The following UNC5A variants were observed in gnomAD, a reference collection of about 807,000 sequenced individuals.
UNC5A encodes unc-5 netrin receptor A.
A neutral mutation model predicts 87.4 loss-of-function variants in UNC5A; 20 were observed. The ratio of observed to expected loss-of-function variants is 0.23; its 90% CI spans 0.16 to 0.33. The LOEUF (loss-of-function observed/expected upper bound fraction) is 0.33, where lower values mean the gene tolerates loss of function less well. Ranked by LOEUF, UNC5A falls within the 10% of genes least tolerant of loss-of-function variation. The pLI, the probability that UNC5A is intolerant of heterozygous loss-of-function variation, is 1.00. For synonymous variants in UNC5A, 438 were observed against 482.3 expected (o/e 0.91, Z 1.20); for missense variants, 844 against 1,133.4 (o/e 0.74, Z 3.67).
intron 1 of UNC5A, among the ~76,000 whole-genome samples, chr5:176,818,323 C>CT (rs1756644086): frequency 6.6e-6 from 1 of 152,234 alleles, no homozygotes; most frequent in African/African-American, 2.4e-5. Flanking sequence ...ACCGACTTGC[C>CT]CCAGGTCCCG....
In UNC5A at chr5:176,824,969, G is replaced by A. The variant is rs1756818065; in HGVS notation, c.70+14149G>A. The stretch of plus-strand genomic sequence containing the variant: ...ACCCTGTGCACAGTGCTTGGTGGGT[G>A]TCAGGTACTGAGGCCATGGGCAGGG... On this transcript the variant is annotated intron_variant, in intron 1 of 14. Transcript: ENST00000329542. This position sits in a 1 kb window ranked among gnomAD's most constrained non-coding sequence, Gnocchi z 4.2. 6.6e-6 allele frequency among the ~76,000 whole-genome samples: 1 copy of A among 152,218 alleles called. No individual in the cohort carries two copies. The highest frequency in any genetic ancestry group is 1.5e-5 in the Non-Finnish European group (1 of 68,036).
chr5:176,817,051 C>A (rs947922949), intron 1 of UNC5A, among the ~76,000 whole-genome samples: 1 of 152,210 alleles, frequency 6.6e-6, no homozygotes, highest in Non-Finnish European at 1.5e-5. Context: ...GGCAGCTGCT[C>A]AGCCCCAGAG....
Position 176,878,586 on chromosome 5 carries a change from T to G in UNC5A, c.2131T>G (p.Trp711Gly), listed in dbSNP as rs1201024141. ...TGACCTGGCCTGCAAGCTGTGGGTG[T>G]GGCAGGTGGAGGGCGACGGGCAGAG... The part of the protein sequence containing the change: ...TSDLACKLWV[W>G]QVEGDGQSFS... The change falls in exon 13 of 15, where the codon TGG (tryptophan) becomes GGG (glycine). Residue 711 changes from tryptophan to glycine, a missense_variant. By Grantham distance (184) the Trp-to-Gly change is radical. Transcript: ENST00000329542. 1 of 1,612,882 alleles carries G rather than the reference T, an allele frequency of 6.2e-7. No individual in the cohort carries two copies. The highest frequency in any genetic ancestry group is 2.2e-5 in the East Asian group (1 of 44,884).
At chr5:176,822,877 G>A (rs923872830) in intron 1 of UNC5A, among the ~76,000 whole-genome samples, 2 of 152,162 alleles carry the variant, frequency 1.3e-5, no homozygotes, top group African/African-American at 4.8e-5. Context: ...AGCCCCGCTG[G>A]AGCAGACGGT....
intron 1 of UNC5A, among the ~76,000 whole-genome samples, chr5:176,821,780 C>T (rs1010114380): frequency 7.9e-5 from 12 of 152,204 alleles, no homozygotes; most frequent in African/African-American, 1.9e-4. Context: ...CTGAAGTGAC[C>T]GCAGGCAGGG....
intron 1 of UNC5A, among the ~76,000 whole-genome samples, chr5:176,818,078 G>A (rs1317062452): frequency 6.6e-6 from 1 of 152,168 alleles, no homozygotes; most frequent in Non-Finnish European, 1.5e-5. Flanking sequence ...CCTCCGCCCC[G>A]CCTCCGTGCT....
At chr5:176,822,225 C>G (rs758870137) in intron 1 of UNC5A, among the ~76,000 whole-genome samples, 1 of 152,222 alleles carries the variant, frequency 6.6e-6, no homozygotes, top group Non-Finnish European at 1.5e-5. Context: ...GTGTGGCCCG[C>G]GGGGCGGGGG....
At chr5:176,832,036 A>T (rs1757043930) in intron 1 of UNC5A, among the ~76,000 whole-genome samples, 2 of 151,714 alleles carry the variant, frequency 1.3e-5, no homozygotes, top group South Asian at 4.2e-4. Flanking sequence ...AGCTGGGACT[A>T]CAGGTGCCTG....
intron 1 of UNC5A, among the ~76,000 whole-genome samples, chr5:176,862,305 T>C (rs1757860266): frequency 6.6e-6 from 1 of 152,208 alleles, no homozygotes; most frequent in Admixed American, 6.5e-5. Context: ...GGCAGGGGCC[T>C]GCCTGGCCAG....
intron 1 of UNC5A, among the ~76,000 whole-genome samples, chr5:176,819,567 G>A (rs534585535): frequency 2.0e-5 from 3 of 152,178 alleles, no homozygotes; most frequent in South Asian, 2.1e-4. Context: ...AGGAGCTTCC[G>A]GGACTACATC....
chr5:176,870,216 G>A lies in UNC5A; in HGVS notation c.722-154G>A, dbSNP rs569018333. ...CATCAAGGCCAGCTGGACACTAGAGGGCGTGCATCGTGGGCCTGGCCCTGG... is the reference window on the plus strand; with the variant it reads ...CATCAAGGCCAGCTGGACACTAGAGAGCGTGCATCGTGGGCCTGGCCCTGG... On this transcript the variant is annotated intron_variant, in intron 5 of 14. Transcript: ENST00000329542. Among the ~76,000 whole-genome samples, 57 of 152,298 alleles carry A rather than the reference G, an allele frequency of 3.7e-4. 1 individual carries two copies. The highest frequency in any genetic ancestry group is 1.3e-3 in the African/African-American group (56 of 41,554).
chr5:176,865,569 G>A lies in UNC5A; in HGVS notation c.293-2561G>A, dbSNP rs143714375. 50 of 456,814 alleles carry A rather than the reference G, an allele frequency of 1.1e-4. No homozygotes were observed. The East Asian group carries it at 3.2e-3, about 29-fold the overall frequency. 28.3% of individuals were successfully genotyped at this position (456,814 alleles called of 1,614,324 possible). A position where few individuals can be genotyped will look rare whatever the true frequency, so the allele number is the denominator to read the frequency against. On this transcript the variant is annotated intron_variant, in intron 2 of 14. Transcript: ENST00000329542. This position sits in a 1 kb window ranked among gnomAD's most constrained non-coding sequence, Gnocchi z 5.3. ...CCTCCCATGGCCGGAACATCTGAAC[G>A]TTCATTGATCTCATCGATTTCTCAA... is the stretch of plus-strand genomic sequence containing the variant.
rs201535772 is a variant in UNC5A, at chr5:176,863,674, C to A, written c.292+829C>A. On this transcript the variant is annotated intron_variant, in intron 2 of 14. Coordinates refer to ENST00000329542, the MANE Select transcript of UNC5A (RefSeq NM_133369.3). Reference sequence around the variant, plus strand: ...GGTTCCGCAACTCCCCCAGAAAGGACTGGCAGAGAGAGAGGCAGGAGCAAA... The same window carrying A: ...GGTTCCGCAACTCCCCCAGAAAGGAATGGCAGAGAGAGAGGCAGGAGCAAA... Among the ~76,000 whole-genome samples, 155 of 151,088 alleles carry A rather than the reference C, an allele frequency of 1.0e-3. 2 individuals carry two copies. In the East Asian group the frequency reaches 0.023, roughly 22 times the overall value.
intron 1 of UNC5A, among the ~76,000 whole-genome samples, chr5:176,831,642 G>A (rs755287801): frequency 1.4e-4 from 22 of 152,178 alleles, no homozygotes; most frequent in Non-Finnish European, 2.8e-4. Flanking sequence ...AGTGCCCAGA[G>A]CGGGGCTTCC....
At chr5:176,833,080 G>C (rs1382568569) in intron 1 of UNC5A, among the ~76,000 whole-genome samples, 1 of 152,232 alleles carries the variant, frequency 6.6e-6, no homozygotes, top group Non-Finnish European at 1.5e-5. Context: ...CCAAGGTCAG[G>C]AAACAGCAAG....
At chr5:176,862,197 C>T (rs756631648) in intron 1 of UNC5A, among the ~76,000 whole-genome samples, 8 of 152,216 alleles carry the variant, frequency 5.3e-5, no homozygotes, top group Admixed American at 6.5e-5. Flanking sequence ...GCCCCAGAGG[C>T]GGCCACTGGC....
intron 1 of UNC5A, among the ~76,000 whole-genome samples, chr5:176,850,336 G>A (rs1335997318): frequency 6.6e-6 from 1 of 152,182 alleles, no homozygotes; most frequent in Non-Finnish European, 1.5e-5. Flanking sequence ...GGTTTGAAGT[G>A]TGAGATCGGA....
Position 176,875,262 on chromosome 5 carries a change from G to A in UNC5A, c.1378+696G>A, listed in dbSNP as rs976362640. Among the ~76,000 whole-genome samples the A allele has an allele frequency of 1.3e-5, 2 of 152,064 alleles. No individual in the cohort carries two copies. Among genetic ancestry groups the A allele is most frequent in the Admixed American group, 6.6e-5 (1 of 15,264 alleles). On this transcript the variant is annotated intron_variant, in intron 8 of 14. Coordinates refer to ENST00000329542, the MANE Select transcript of UNC5A (RefSeq NM_133369.3). This position sits in a 1 kb window ranked among gnomAD's most constrained non-coding sequence, Gnocchi z 5.2. The stretch of plus-strand genomic sequence containing the variant: ...CCCATCCTTAGCCTGCAGTTCTCCC[G>A]GGCGACAGAACTGTACACCCAGCTG...
Position 176,868,242 on chromosome 5 carries a change from C to T in UNC5A, c.405C>T (p.Thr135=). The T allele has an allele frequency of 6.2e-7, 1 of 1,613,564 alleles. No homozygotes were observed. The highest frequency in any genetic ancestry group is 1.1e-5 in the South Asian group (1 of 91,080). Residue 135 remains threonine (T), a synonymous_variant, in exon 3 of 15, where the codon ACC becomes ACT. Coordinates refer to ENST00000329542, the MANE Select transcript of UNC5A (RefSeq NM_133369.3). ...TGGCATGGAGCTCCTCGGGCACCAC[C>T]AAGAGTCAGAAGGCCTACATCCGCA... The part of the protein sequence containing the change: ...QCVAWSSSGT[T]KSQKAYIRIA...
Sources: allele counts gnomAD v4.1 joint callset (sites outside exome capture counted in the v4.1 genomes callset), GRCh38; gene constraint gnomAD v4.1.1; non-coding constraint Gnocchi (gnomAD v3.1); transcripts MANE v1.5; gene names NCBI Gene and HGNC (gene_info 2026-07-23, HGNC 2026-07-21).